Variants in NXPE2 observed in about 807,000 individuals in gnomAD.
NXPE2 encodes the protein NXPE family member 2.
Under a neutral mutation model 34.4 loss-of-function variants are expected in NXPE2, and 34 were observed. That is an observed-to-expected ratio of 0.99 (90% CI 0.75 to 1.31). The LOEUF (loss-of-function observed/expected upper bound fraction) is 1.31. NXPE2 is among the 40% of genes most tolerant of loss of function. NXPE2 has a pLI of 0.00. For synonymous variants in NXPE2, 235 were observed against 231.3 expected (o/e 1.02, Z -0.15); for missense variants, 649 against 672.5 (o/e 0.97, Z 0.39).
At chr11:114,597,636 G>T in the NXPE2 span, among the ~76,000 whole-genome samples, 1 of 152,164 alleles carries the variant, frequency 6.6e-6, no homozygotes, top group East Asian at 1.9e-4. Flanking sequence ...CTCCAGTAAA[G>T]GGAGCCAGAA....
the NXPE2 span, among the ~76,000 whole-genome samples, chr11:114,519,303 G>GTTCTCTCATTGGTTCTATCCC: frequency 6.6e-6 from 1 of 152,118 alleles, no homozygotes; most frequent in Non-Finnish European, 1.5e-5. Context: ...ATCATATGCT[G>GTTCTCTCATTGGTTCTATCCC]TTCTCTCATT....
the NXPE2 span, among the ~76,000 whole-genome samples, chr11:114,546,782 G>C: frequency 6.6e-6 from 1 of 152,132 alleles, no homozygotes; most frequent in Non-Finnish European, 1.5e-5. Context: ...TGAGCCTAAA[G>C]CATCTTGTAG....
chr11:114,780,620 C>T, the NXPE2 span, among the ~76,000 whole-genome samples: 2 of 152,192 alleles, frequency 1.3e-5, no homozygotes, highest in African/African-American at 4.8e-5. Flanking sequence ...GTACTGGTAA[C>T]TCTAGTAGAA....
chr11:114,665,534 T>C, the NXPE2 span, among the ~76,000 whole-genome samples: 2 of 152,198 alleles, frequency 1.3e-5, no homozygotes, highest in East Asian at 1.9e-4. Flanking sequence ...CAAAGAGTTA[T>C]GTACCTTTTA....
At chr11:114,729,518 A>G in the NXPE2 span, among the ~76,000 whole-genome samples, 547 of 152,188 alleles carry the variant, frequency 3.6e-3, 34 homozygotes, top group East Asian at 0.099. Flanking sequence ...CTAATTTACA[A>G]TCCCACCAAC....
chr11:114,602,494 A>T, the NXPE2 span, among the ~76,000 whole-genome samples: 1 of 137,046 alleles, frequency 7.3e-6, no homozygotes, highest in Non-Finnish European at 1.5e-5. Context: ...AACATATATT[A>T]TCCCATATGT....
the NXPE2 span, among the ~76,000 whole-genome samples, chr11:114,585,677 GA>G: frequency 6.6e-6 from 1 of 152,032 alleles, no homozygotes. Flanking sequence ...ACAGGAACTA[GA>G]AAGAAATTAT....
At chr11:114,636,429 A>T in the NXPE2 span, among the ~76,000 whole-genome samples, 1 of 151,906 alleles carries the variant, frequency 6.6e-6, no homozygotes, top group African/African-American at 2.4e-5. Flanking sequence ...GGATTCGTTA[A>T]TTGTTTGAAG....
At chr11:114,551,549 G>A in the NXPE2 span, 4 of 312,312 alleles carry the variant, frequency 1.3e-5, no homozygotes, top group South Asian at 4.8e-4. Context: ...TAATTCATCA[G>A]CATGTCTTTT....
chr11:114,682,430 C>T (rs1293723211), intron 2 of NXPE2, among the ~76,000 whole-genome samples: 2 of 152,072 alleles, frequency 1.3e-5, no homozygotes, highest in Non-Finnish European at 2.9e-5. Flanking sequence ...TAATTTCTGG[C>T]CCTGTGTCTC....
At chr11:114,640,160 ATATATATAAATAATTTATATAT>A in the NXPE2 span, among the ~76,000 whole-genome samples, 1 of 63,910 alleles carries the variant, frequency 1.6e-5, no homozygotes, top group Non-Finnish European at 2.8e-5. Context: ...TATATTAATA[ATATATATAAATAATTTATATAT>A]TATATATAAT....
At chr11:114,640,008 ATATAT>A in the NXPE2 span, among the ~76,000 whole-genome samples, 8 of 119,478 alleles carry the variant, frequency 6.7e-5, no homozygotes, top group African/African-American at 1.4e-4. Context: ...TAATGTAATA[ATATAT>A]TATTTTATAA....
At chr11:114,478,844 T>C in the NXPE2 span, among the ~76,000 whole-genome samples, 2 of 152,218 alleles carry the variant, frequency 1.3e-5, no homozygotes, top group African/African-American at 2.4e-5. Flanking sequence ...TCAGATGTTG[T>C]GCCTATTGTC....
the NXPE2 span, among the ~76,000 whole-genome samples, chr11:114,734,995 G>A: frequency 6.6e-6 from 1 of 152,064 alleles, no homozygotes; most frequent in Admixed American, 6.5e-5. Context: ...CTGTAGTCCA[G>A]GCTACTCGGG....
intron 2 of NXPE2, among the ~76,000 whole-genome samples, chr11:114,690,445 G>A (rs897686628): frequency 1.3e-5 from 2 of 152,074 alleles, no homozygotes; most frequent in African/African-American, 4.8e-5. Flanking sequence ...TGGCTTGTAA[G>A]GTTTCAGCTG....
At chr11:114,715,273 T>G in the NXPE2 span, among the ~76,000 whole-genome samples, 1 of 152,214 alleles carries the variant, frequency 6.6e-6, no homozygotes, top group Non-Finnish European at 1.5e-5. Flanking sequence ...AGACTAATGA[T>G]CCAATAAAAT....
the NXPE2 span, among the ~76,000 whole-genome samples, chr11:114,641,577 G>A: frequency 1.3e-5 from 2 of 152,148 alleles, no homozygotes; most frequent in Admixed American, 6.6e-5. Context: ...GACTAAATGT[G>A]CTAGGTGTCC....
At chr11:114,543,079 G>C in the NXPE2 span, among the ~76,000 whole-genome samples, 1 of 152,024 alleles carries the variant, frequency 6.6e-6, no homozygotes. Flanking sequence ...AATATGGCAA[G>C]ACTGTCTCTA....
the NXPE2 span, chr11:114,529,433 G>A: frequency 2.0e-5 from 3 of 152,324 alleles, no homozygotes; most frequent in Admixed American, 2.0e-4. Flanking sequence ...TGGTTTTCAG[G>A]TTAGTGGATA....
Sources: gnomAD v4.1 joint callset for allele counts (sites outside exome capture counted in the v4.1 genomes callset) on GRCh38, gnomAD v4.1.1 for gene constraint, MANE v1.5 for transcripts, NCBI Gene and HGNC (gene_info 2026-07-23, HGNC 2026-07-21) for gene names.